TYW1: variants seen among roughly 807,000 people sequenced by gnomAD.
TYW1 encodes the protein tRNA-yW synthesizing protein 1 homolog, also known as S-adenosyl-L-methionine-dependent tRNA 4-demethylwyosine synthase TYW1.
Under a neutral mutation model 96.2 loss-of-function variants are expected in TYW1, and 46 were observed. The ratio of observed to expected loss-of-function variants is 0.48; its 90% CI spans 0.38 to 0.61. The LOEUF is 0.61. Among genes scored for constraint, TYW1 ranks in the 20% least tolerant of loss-of-function variants. TYW1 has a pLI of 0.00. For missense variants in TYW1, 684 were observed against 909.6 expected, an observed-to-expected ratio of 0.75 and a Z score of 3.19; for synonymous variants, 274 against 323.0, an observed-to-expected ratio of 0.85 and a Z score of 1.63.
chr7:67,005,674 A>T (rs1584453176), intron 3 of TYW1, among the ~76,000 whole-genome samples: 2 of 152,348 alleles, frequency 1.3e-5, no homozygotes, highest in African/African-American at 4.8e-5. Context: ...TTTCTGATTC[A>T]GTACCACTTG....
At position 67,238,345 on chromosome 7, in the gene TYW1, A is replaced by G; in HGVS notation, c.2015A>G (p.Tyr672Cys). The change falls in exon 16 of 16, where the codon TAT (tyrosine) becomes TGT (cysteine). Residue 672 changes from tyrosine (Y) to cysteine (C), a missense_variant. Tyr to Cys is a radical substitution (Grantham distance 194, BLOSUM62 -2). Transcript: ENST00000359626. ...IGGEWWTWIDYNRFQELIQEY... is the reference protein window; with the variant it reads ...IGGEWWTWIDCNRFQELIQEY... ...GGTGAATGGTGGACATGGATCGATT[A>G]TAACCGCTTCCAGGAGCTCATCCAG... 3 of 1,613,322 alleles carry G rather than the reference A, an allele frequency of 1.9e-6. No individual in the cohort carries two copies. Among genetic ancestry groups the G allele is most frequent in the Non-Finnish European group, 8.5e-7 (1 of 1,179,654 alleles).
chr7:67,035,804 A>G (rs1224077839), intron 7 of TYW1, among the ~76,000 whole-genome samples: 1 of 151,906 alleles, frequency 6.6e-6, no homozygotes, highest in Non-Finnish European at 1.5e-5. Context: ...TAGCCTCCCG[A>G]GTAGCTGGGA....
intron 13 of TYW1, among the ~76,000 whole-genome samples, chr7:67,151,376 A>G (rs554509059): frequency 6.6e-6 from 1 of 152,038 alleles, no homozygotes; most frequent in South Asian, 2.1e-4. Context: ...TCTAAAGTGC[A>G]TTTTTAAGGC....
intron 12 of TYW1, among the ~76,000 whole-genome samples, chr7:67,107,583 A>G (rs1316072032): frequency 6.6e-6 from 1 of 151,986 alleles, no homozygotes; most frequent in Non-Finnish European, 1.5e-5. Flanking sequence ...TAAAATGATA[A>G]TAATAATAAT....
chr7:67,223,644 C>T (rs28544000), intron 15 of TYW1, among the ~76,000 whole-genome samples: 34,547 of 142,924 alleles, frequency 0.24, 4,678 homozygotes, highest in African/African-American at 0.33. Flanking sequence ...GCCTCTATTC[C>T]ACCCTTCCAT....
chr7:67,010,262 G>A (rs1357531882), intron 4 of TYW1, among the ~76,000 whole-genome samples: 1 of 151,944 alleles, frequency 6.6e-6, no homozygotes, highest in African/African-American at 2.4e-5. Context: ...CTCCCAAAGT[G>A]CTGGGATTAC....
At chr7:67,207,379 ATCAT>A (rs1196697716) in intron 15 of TYW1, among the ~76,000 whole-genome samples, 1 of 152,096 alleles carries the variant, frequency 6.6e-6, no homozygotes, top group Non-Finnish European at 1.5e-5. Flanking sequence ...CTTCTTCCTT[ATCAT>A]TCATTCACTC....
intron 7 of TYW1, among the ~76,000 whole-genome samples, chr7:67,046,294 T>G (rs1037294414): frequency 2.0e-5 from 3 of 152,126 alleles, no homozygotes; most frequent in African/African-American, 7.2e-5. Context: ...GTTGACTTTT[T>G]AGTTCTGATT....
intron 6 of TYW1, among the ~76,000 whole-genome samples, chr7:67,019,245 C>T (rs1254730050): frequency 6.6e-6 from 1 of 152,258 alleles, no homozygotes; most frequent in Non-Finnish European, 1.5e-5. Context: ...CCCCTTCTTA[C>T]TCTCCAAGTT....
intron 13 of TYW1, 28 bp downstream of exon 13, chr7:67,117,646 A>G (rs751542185): frequency 4.4e-6 from 7 of 1,593,984 alleles, no homozygotes; most frequent in Non-Finnish European, 6.0e-6. Context: ...TTAAAAATAA[A>G]TAAACAACCC....
chr7:66,997,015 C>A (rs1225814016), intron 1 of TYW1, 33 bp downstream of exon 1: 5 of 1,613,596 alleles, frequency 3.1e-6, no homozygotes, highest in Non-Finnish European at 4.2e-6. Context: ...GACCCTGGGG[C>A]GGCAGGGGAG....
intron 11 of TYW1, among the ~76,000 whole-genome samples, chr7:67,091,263 A>G (rs1010975008): frequency 6.6e-6 from 1 of 151,340 alleles, no homozygotes; most frequent in African/African-American, 2.4e-5. Context: ...TGTTTTTTTT[A>G]GGGACATGGA....
chr7:67,173,186 C>T (rs1446416341), intron 13 of TYW1, among the ~76,000 whole-genome samples: 1 of 151,990 alleles, frequency 6.6e-6, no homozygotes, highest in Non-Finnish European at 1.5e-5. Context: ...GTTTTTATAA[C>T]TTTTTTTCTC....
chr7:67,001,106 A>G (rs1793372047), intron 3 of TYW1, among the ~76,000 whole-genome samples: 1 of 152,196 alleles, frequency 6.6e-6, no homozygotes, highest in Admixed American at 6.6e-5. Context: ...ATGATCAAAA[A>G]GATCAAACGA....
intron 13 of TYW1, among the ~76,000 whole-genome samples, chr7:67,149,330 T>C (rs1798715633): frequency 6.6e-6 from 1 of 152,234 alleles, no homozygotes; most frequent in Non-Finnish European, 1.5e-5. Flanking sequence ...TATTAGTGCA[T>C]CTGGGAAATG....
At chr7:67,040,188 C>G (rs1331746015) in intron 7 of TYW1, among the ~76,000 whole-genome samples, 1 of 151,100 alleles carries the variant, frequency 6.6e-6, no homozygotes, top group Non-Finnish European at 1.5e-5. Context: ...GAACTCCTGA[C>G]CTCAAGTGAT....
intron 13 of TYW1, among the ~76,000 whole-genome samples, chr7:67,160,654 C>T (rs908937891): frequency 8.7e-5 from 13 of 149,530 alleles, no homozygotes; most frequent in South Asian, 2.1e-4. Flanking sequence ...TGCAGTGATG[C>T]GATTTCGGCT....
intron 7 of TYW1, among the ~76,000 whole-genome samples, chr7:67,035,853 G>A (rs1402987156): frequency 6.6e-6 from 1 of 151,518 alleles, no homozygotes; most frequent in Admixed American, 6.6e-5. Context: ...AATTTTTTGT[G>A]TTTTTAGTAG....
At chr7:67,016,015 C>T (rs1272094208) in intron 5 of TYW1, among the ~76,000 whole-genome samples, 1 of 151,704 alleles carries the variant, frequency 6.6e-6, no homozygotes, top group Admixed American at 6.6e-5. Context: ...AAAAAACATT[C>T]ATTGCACTTT....
Sources: allele counts gnomAD v4.1 joint callset (sites outside exome capture counted in the v4.1 genomes callset), GRCh38; gene constraint gnomAD v4.1.1; transcripts MANE v1.5; gene names NCBI Gene and HGNC (gene_info 2026-07-23, HGNC 2026-07-21).